The following EXOC4 variants were observed in gnomAD, a reference collection of about 807,000 sequenced individuals.
EXOC4 encodes exocyst complex component 4.
In EXOC4, 71 loss-of-function variants were observed where a neutral mutation model predicts 107.2. That is an observed-to-expected ratio of 0.66 (90% CI 0.55 to 0.81). The LOEUF is 0.81. Ranked by LOEUF, EXOC4 falls within the 30% of genes least tolerant of loss-of-function variation. The pLI, the probability that EXOC4 is intolerant of heterozygous loss-of-function variation, is 0.00. For synonymous variants in EXOC4, 456 were observed against 441.2 expected, an observed-to-expected ratio of 1.03 and a Z score of -0.42; for missense variants, 1,108 against 1,189.6, an observed-to-expected ratio of 0.93 and a Z score of 1.01.
chr7:133,497,790 G>T (rs1398829675), intron 9 of EXOC4, among the ~76,000 whole-genome samples: 2 of 151,940 alleles, frequency 1.3e-5, no homozygotes, highest in Admixed American at 6.6e-5. Flanking sequence ...TGACAGGCAG[G>T]GATATCACTA....
At chr7:133,253,359 A>G in intron 1 of EXOC4, 172 bp downstream of exon 1, 1 of 1,363,236 alleles carries the variant, frequency 7.3e-7, no homozygotes, top group Non-Finnish European at 9.4e-7. Context: ...TTCCCCCTCC[A>G]CCTTTTTTTT....
At chr7:133,997,839 A>C (rs182875742) in intron 15 of EXOC4, among the ~76,000 whole-genome samples, 1 of 152,304 alleles carries the variant, frequency 6.6e-6, no homozygotes, top group East Asian at 1.9e-4. Context: ...AGCTGGCATG[A>C]TCTATGAAAT....
chr7:133,331,172 C>T (rs933515188), intron 5 of EXOC4, among the ~76,000 whole-genome samples: 4 of 152,080 alleles, frequency 2.6e-5, no homozygotes, highest in Admixed American at 2.6e-4. Context: ...AAATGATTAG[C>T]ATCCGCTTAG....
At chr7:133,758,094 G>A (rs902923986) in intron 10 of EXOC4, among the ~76,000 whole-genome samples, 6 of 152,110 alleles carry the variant, frequency 3.9e-5, no homozygotes, top group Admixed American at 6.6e-5. Flanking sequence ...TGTGATCCAG[G>A]CAGAAAGTCA....
chr7:133,657,547 C>A (rs1274033487), intron 10 of EXOC4, among the ~76,000 whole-genome samples: 1 of 152,118 alleles, frequency 6.6e-6, no homozygotes, highest in African/African-American at 2.4e-5. Context: ...TTTTGAGTTT[C>A]TTCTCATCTA....
At chr7:133,444,849 T>A (rs1324953390) in intron 7 of EXOC4, among the ~76,000 whole-genome samples, 1 of 152,178 alleles carries the variant, frequency 6.6e-6, no homozygotes. Flanking sequence ...GGATGACAGA[T>A]TGCAGGGCCT....
intron 10 of EXOC4, chr7:133,768,325 A>T: frequency 6.6e-6 from 1 of 151,912 alleles, no homozygotes; most frequent in East Asian, 1.9e-4. Flanking sequence ...AAAAAGTGCA[A>T]TTCAGAAAGA....
chr7:133,528,835 T>C (rs1021879444), intron 9 of EXOC4, among the ~76,000 whole-genome samples: 3 of 152,162 alleles, frequency 2.0e-5, no homozygotes, highest in African/African-American at 7.2e-5. Flanking sequence ...AGGGTTTTTT[T>C]CTTCTTCTTA....
chr7:133,586,391 G>A (rs1801404196), intron 9 of EXOC4, among the ~76,000 whole-genome samples: 1 of 152,126 alleles, frequency 6.6e-6, no homozygotes, highest in Non-Finnish European at 1.5e-5. Flanking sequence ...TCCATTACTA[G>A]GATAATGACC....
At chr7:133,853,548 A>C (rs60919451) in intron 11 of EXOC4, among the ~76,000 whole-genome samples, 17,203 of 152,100 alleles carry the variant, frequency 0.11, 1,086 homozygotes, top group Middle Eastern at 0.14. Context: ...TCGTATTGTC[A>C]GTATCTCATC....
intron 10 of EXOC4, among the ~76,000 whole-genome samples, chr7:133,786,987 C>T (rs1382846916): frequency 6.6e-6 from 1 of 152,164 alleles, no homozygotes; most frequent in East Asian, 1.9e-4. Context: ...AAGATATAAA[C>T]AGAGAAGTAG....
At chr7:133,308,319 C>CT (rs1794798400) in intron 4 of EXOC4, among the ~76,000 whole-genome samples, 1 of 152,148 alleles carries the variant, frequency 6.6e-6, no homozygotes, top group African/African-American at 2.4e-5. Flanking sequence ...GAAATAGGGT[C>CT]TTTTAGAAAG....
chr7:134,067,678 C>CACACA (rs1554442394), downstream of EXOC4, among the ~76,000 whole-genome samples: 2 of 149,538 alleles, frequency 1.3e-5, no homozygotes, highest in African/African-American at 5.0e-5. Context: ...CACACACAGG[C>CACACA]AATTGTGTTC....
intron 14 of EXOC4, among the ~76,000 whole-genome samples, chr7:133,995,005 G>T (rs1794353880): frequency 6.6e-6 from 1 of 152,136 alleles, no homozygotes. Context: ...CAACTTTCTA[G>T]TAGAGCTCTG....
chr7:133,835,950 G>A (rs1797909888), intron 11 of EXOC4, among the ~76,000 whole-genome samples: 1 of 152,114 alleles, frequency 6.6e-6, no homozygotes, highest in African/African-American at 2.4e-5. Context: ...CCTTGTGCCT[G>A]GGTAGAAATA....
In EXOC4 at chr7:133,325,587, G is replaced by T. The variant is rs537667148; in HGVS notation, c.763+8197G>T. On this transcript the variant is annotated intron_variant, in intron 5 of 17. Transcript: ENST00000253861. ...GTTTCTGCCGAGAGATCCGCTGTTAGTCTGATGGGCTTCCCTTTGTGGGTA... is the reference window on the plus strand; with the variant it reads ...GTTTCTGCCGAGAGATCCGCTGTTATTCTGATGGGCTTCCCTTTGTGGGTA... Among the ~76,000 whole-genome samples the T allele has an allele frequency of 2.8e-4, 43 of 152,338 alleles. 1 individual carries two copies. The East Asian group carries it at 5.8e-3, about 21-fold the overall frequency.
chr7:133,421,401 GACAGT>G (rs1404395385), intron 7 of EXOC4, among the ~76,000 whole-genome samples: 1 of 152,142 alleles, frequency 6.6e-6, no homozygotes, highest in East Asian at 1.9e-4. Flanking sequence ...ACCAAATGAT[GACAGT>G]TTAGTCCTTG....
chr7:133,364,029 C>A (rs533766444), intron 6 of EXOC4, among the ~76,000 whole-genome samples: 1 of 152,294 alleles, frequency 6.6e-6, no homozygotes, highest in South Asian at 2.1e-4. Flanking sequence ...GCCCCATCCT[C>A]TTGCTATAGT....
intron 7 of EXOC4, among the ~76,000 whole-genome samples, chr7:133,405,354 T>G (rs1281577444): frequency 6.6e-6 from 1 of 152,172 alleles, no homozygotes; most frequent in African/African-American, 2.4e-5. Context: ...AATATTTGAG[T>G]AAAGATAGAG....
Sources: gnomAD v4.1 joint callset for allele counts (sites outside exome capture counted in the v4.1 genomes callset) on GRCh38, gnomAD v4.1.1 for gene constraint, MANE v1.5 for transcripts, NCBI Gene and HGNC (gene_info 2026-07-23, HGNC 2026-07-21) for gene names.